Variants in PRRG4 observed in about 807,000 individuals in gnomAD.
PRRG4 encodes the protein proline rich and Gla domain 4, also known as transmembrane gamma-carboxyglutamic acid protein 4.
PRRG4 carries 12 observed loss-of-function variants against 20.0 expected under a neutral mutation model. That is an observed-to-expected ratio of 0.60 (90% confidence interval 0.38 to 0.97). The LOEUF (loss-of-function observed/expected upper bound fraction) is 0.97, where lower values mean the gene tolerates loss of function less well. Ranked by LOEUF, PRRG4 falls within the 50% of genes least tolerant of loss-of-function variation. PRRG4 has a pLI of 0.00. For synonymous variants in PRRG4, 94 were observed against 96.4 expected, an observed-to-expected ratio of 0.98 and a Z score of 0.15; for missense variants, 199 against 265.1, an observed-to-expected ratio of 0.75 and a Z score of 1.73.
In PRRG4 at chr11:32,840,114, C is replaced by A; in HGVS notation, c.324C>A (p.Asn108Lys). The A allele has an allele frequency of 6.3e-7, 1 of 1,599,974 alleles. No individual in the cohort carries two copies. The highest frequency in any genetic ancestry group is 8.6e-7 in the Non-Finnish European group (1 of 1,168,286). Residue 108 changes from asparagine (N) to lysine (K), a missense_variant, in exon 5 of 6, where the codon AAC becomes AAA. Transcript: ENST00000257836. The surrounding 1 kb of genome is among the most constrained non-coding windows in gnomAD (Gnocchi z 4.1). ...TTAATGATTTATTTTAAGATGGCAA[C>A]AGAGAGAAAATAGATGTTATGGGCC... ...AKGPTTKSDGNREKIDVMGLL... is the reference protein window; with the variant it reads ...AKGPTTKSDGKREKIDVMGLL...
chr11:32,852,804 T>C (rs1851194581), intron 5 of PRRG4, among the ~76,000 whole-genome samples: 1 of 148,298 alleles, frequency 6.7e-6, no homozygotes, highest in East Asian at 2.0e-4. Flanking sequence ...ATGGAGTCTC[T>C]CTCTGTCCCC....
chr11:32,843,730 GTTTT>G (rs11367288), intron 5 of PRRG4, among the ~76,000 whole-genome samples: 1 of 141,998 alleles, frequency 7.0e-6, no homozygotes, highest in Admixed American at 7.0e-5. Context: ...CCGTTTTTCT[GTTTT>G]TTTTTTTTTT....
chr11:32,841,407 G>T (rs1851077695), intron 5 of PRRG4, among the ~76,000 whole-genome samples: 1 of 152,090 alleles, frequency 6.6e-6, no homozygotes, highest in Non-Finnish European at 1.5e-5. Flanking sequence ...ACAAAGACAG[G>T]CTAAAGAAAT....
chr11:32,830,291 A>G, intron 1 of PRRG4, 118 bp downstream of exon 1: 1 of 865,542 alleles, frequency 1.2e-6, no homozygotes, highest in Non-Finnish European at 1.5e-6. Flanking sequence ...CAGGTGCCCG[A>G]TCAGCCCTCG....
intron 5 of PRRG4, among the ~76,000 whole-genome samples, chr11:32,843,195 A>G (rs1429055251): frequency 6.6e-6 from 1 of 152,208 alleles, no homozygotes; most frequent in East Asian, 1.9e-4. Flanking sequence ...AATTGCTTAA[A>G]AAATCATTTC....
At chr11:32,836,476 A>G (rs956456932) in intron 2 of PRRG4, among the ~76,000 whole-genome samples, 182 bp from the exon 3 acceptor site, 1 of 152,228 alleles carries the variant, frequency 6.6e-6, no homozygotes, top group Non-Finnish European at 1.5e-5. Context: ...TTTCACATTT[A>G]TCAGAAATTA....
At position 32,853,770 on chromosome 11, in the gene PRRG4, G is replaced by A; in HGVS notation, c.*243G>A. 2.3e-6 allele frequency: 1 copy of A among 434,008 alleles called. No individual in the cohort carries two copies. The highest frequency in any genetic ancestry group is 4.2e-6 in the Non-Finnish European group (1 of 235,470). The allele number at this position is 434,008 out of a possible 1,614,324, so 26.9% of individuals were successfully genotyped here. On this transcript the variant is annotated 3_prime_UTR_variant, in exon 6 of 6. Coordinates refer to ENST00000257836, the MANE Select transcript of PRRG4 (RefSeq NM_024081.6). ...TCGAACCTGGGAGGCAGAGGTTGCA[G>A]TAAGCTGAGATCACGCCACTGCATT...
At chr11:32,836,637 T>A in intron 2 of PRRG4, 21 bp from the exon 3 acceptor site, 2 of 1,413,570 alleles carry the variant, frequency 1.4e-6, no homozygotes, top group South Asian at 2.5e-5. Context: ...AATGTTTAAG[T>A]CTTTTTCATT....
Position 32,840,240 on chromosome 11 carries a change from G to A in PRRG4, c.449+1G>A. On this transcript the variant is annotated splice_donor_variant, in intron 5 of 5. Coordinates refer to ENST00000257836, the MANE Select transcript of PRRG4 (RefSeq NM_024081.6). LOFTEE classifies it high-confidence loss of function. This position sits in a 1 kb window ranked among gnomAD's most constrained non-coding sequence, Gnocchi z 4.1. ...AGTGTAATAGGCTACAACATCCATGGTAAGTACTAAGTGAAATTATTTAAT... is the reference window on the plus strand; with the variant it reads ...AGTGTAATAGGCTACAACATCCATGATAAGTACTAAGTGAAATTATTTAAT... 1 of 1,588,932 alleles carries A rather than the reference G, an allele frequency of 6.3e-7. No homozygotes were observed. The highest frequency in any genetic ancestry group is 8.6e-7 in the Non-Finnish European group (1 of 1,160,724).
At chr11:32,851,299 TG>T (rs1044699501) in intron 5 of PRRG4, among the ~76,000 whole-genome samples, 3 of 152,228 alleles carry the variant, frequency 2.0e-5, no homozygotes, top group Non-Finnish European at 4.4e-5. Context: ...CATTAAATTT[TG>T]AAAGTCAACA....
chr11:32,845,439 A>T (rs7935461), intron 5 of PRRG4, among the ~76,000 whole-genome samples: 1 of 151,968 alleles, frequency 6.6e-6, no homozygotes, highest in South Asian at 2.1e-4. Flanking sequence ...TCCTGGCTAA[A>T]ACGGTGAAAC....
At chr11:32,847,373 C>A (rs1451543199) in intron 5 of PRRG4, among the ~76,000 whole-genome samples, 1 of 151,942 alleles carries the variant, frequency 6.6e-6, no homozygotes, top group East Asian at 1.9e-4. Context: ...GAAAGGTGTT[C>A]AATGTTGTTA....
In PRRG4 at chr11:32,838,915, C is replaced by T. The variant is rs763034261; in HGVS notation, c.301C>T (p.Pro101Ser). ...AFWQEYSAKG[P>S]TTKSDGNREK... ...TTGGCAGGAATATTCAGCTAAAGGA[C>T]CAACCACAAAATCAGGTAAAACAAG... The change falls in exon 4 of 6, where the codon CCA (proline) becomes TCA (serine). Residue 101 changes from proline (P) to serine (S), a missense_variant. Pro to Ser is a moderately conservative substitution (Grantham distance 74). Coordinates refer to ENST00000257836, the MANE Select transcript of PRRG4 (RefSeq NM_024081.6). 1.2e-6 allele frequency: 2 copies of T among 1,609,568 alleles called. No individual in the cohort carries two copies. The highest frequency in any genetic ancestry group is 3.3e-5 in the Admixed American group (2 of 59,976).
chr11:32,830,309 C>CA (rs2093399661), intron 1 of PRRG4, 136 bp downstream of exon 1: 1 of 842,830 alleles, frequency 1.2e-6, no homozygotes, highest in African/African-American at 1.8e-5. Flanking sequence ...TCGGCAGGGT[C>CA]ACTGGGCACG....
rs1565114584 is a variant in PRRG4, at chr11:32,839,692, TTATATTTTGAATATTATTAAAATATAAA to T, written c.317-388_317-361del. Among the ~76,000 whole-genome samples the T allele has an allele frequency of 8.9e-4, 102 of 114,656 alleles. 1 individual carries two copies. The highest frequency in any genetic ancestry group is 3.0e-3 in the African/African-American group (92 of 31,142). 75.2% of individuals were successfully genotyped at this position (114,656 alleles called of 152,430 possible). On this transcript the variant is annotated intron_variant, in intron 4 of 5. Coordinates refer to ENST00000257836, the MANE Select transcript of PRRG4 (RefSeq NM_024081.6). ...TTTGAATATTATTAAAATATAAGTA[TTATATTTTGAATATTATTAAAATATAAA>T]TATATTTTGAATATTATTAAAATAT... is the stretch of plus-strand genomic sequence containing the variant.
At chr11:32,846,385 C>T (rs1851130653) in intron 5 of PRRG4, among the ~76,000 whole-genome samples, 1 of 152,084 alleles carries the variant, frequency 6.6e-6, no homozygotes, top group African/African-American at 2.4e-5. Context: ...GAATGGCAGC[C>T]ACGAATTTAC....
chr11:32,848,542 TAA>T (rs2133449322), intron 5 of PRRG4, among the ~76,000 whole-genome samples: 1 of 151,958 alleles, frequency 6.6e-6, no homozygotes, highest in South Asian at 2.1e-4. Flanking sequence ...TATGAATGAT[TAA>T]AATGGAAAAT....
intron 1 of PRRG4, 145 bp downstream of exon 1, chr11:32,830,318 C>A: frequency 2.4e-6 from 2 of 838,708 alleles, no homozygotes; most frequent in Non-Finnish European, 3.3e-6. Context: ...TCACTGGGCA[C>A]GGCGTTTGTC....
chr11:32,846,542 G>A (rs183663468), intron 5 of PRRG4, among the ~76,000 whole-genome samples: 36 of 152,188 alleles, frequency 2.4e-4, no homozygotes, highest in South Asian at 2.1e-4. Flanking sequence ...CTGCCCCCAT[G>A]GCTCTTATAG....
Sources: allele counts gnomAD v4.1 joint callset (sites outside exome capture counted in the v4.1 genomes callset), GRCh38; gene constraint gnomAD v4.1.1; non-coding constraint Gnocchi (gnomAD v3.1); transcripts MANE v1.5; gene names NCBI Gene and HGNC (gene_info 2026-07-23, HGNC 2026-07-21).